Variants in FAF1 observed in about 807,000 individuals in gnomAD.
FAF1 encodes Fas associated factor 1, also known as FAS-associated factor 1.
FAF1 carries 25 observed loss-of-function variants against 92.5 expected under a neutral mutation model. That is an observed-to-expected ratio of 0.27 (90% CI 0.20 to 0.38). The LOEUF (loss-of-function observed/expected upper bound fraction) is 0.38. FAF1 is among the 10% of genes least tolerant of loss of function. The probability of loss-of-function intolerance (pLI) is 1.00; values close to 1 mark genes in which losing one functional copy is unlikely to be tolerated. For synonymous variants in FAF1, 234 were observed against 273.2 expected, an observed-to-expected ratio of 0.86 and a Z score of 1.42; for missense variants, 636 against 793.3, an observed-to-expected ratio of 0.80 and a Z score of 2.38.
chr1:50,925,716 C>T (rs1310514491), intron 1 of FAF1, among the ~76,000 whole-genome samples: 3 of 152,138 alleles, frequency 2.0e-5, no homozygotes, highest in African/African-American at 7.2e-5. Flanking sequence ...AATAGAACTA[C>T]TATATGATAC....
At chr1:50,499,363 G>GTGTT (rs759738462) in intron 15 of FAF1, among the ~76,000 whole-genome samples, 18 of 110,096 alleles carry the variant, frequency 1.6e-4, no homozygotes, top group African/African-American at 5.1e-4. Flanking sequence ...TAGCTGTAGG[G>GTGTT]TTTTTTTTTT....
intron 6 of FAF1, among the ~76,000 whole-genome samples, chr1:50,720,234 G>A (rs1389784564): frequency 2.0e-5 from 3 of 152,072 alleles, no homozygotes; most frequent in Non-Finnish European, 4.4e-5. Context: ...ACTCCTGACA[G>A]GTGATCCGCG....
At chr1:50,505,951 A>T (rs939053212) in intron 15 of FAF1, among the ~76,000 whole-genome samples, 4 of 152,256 alleles carry the variant, frequency 2.6e-5, no homozygotes, top group African/African-American at 7.2e-5. Flanking sequence ...TCTGTTCATT[A>T]CAAAAAAATC....
intron 6 of FAF1, among the ~76,000 whole-genome samples, chr1:50,732,315 T>C (rs1259931656): frequency 6.6e-6 from 1 of 152,140 alleles, no homozygotes; most frequent in East Asian, 1.9e-4. Flanking sequence ...GATCTCGTGA[T>C]CTGCCCACCT....
chr1:50,870,001 A>C (rs1218309989), intron 1 of FAF1, among the ~76,000 whole-genome samples: 1 of 152,224 alleles, frequency 6.6e-6, no homozygotes, highest in Non-Finnish European at 1.5e-5. Context: ...TGGTATCCTT[A>C]TAAAGTGTTT....
chr1:50,777,697 T>C (rs1661014212), intron 4 of FAF1, among the ~76,000 whole-genome samples: 1 of 150,982 alleles, frequency 6.6e-6, no homozygotes, highest in Non-Finnish European at 1.5e-5. Context: ...CAGCCTGTTA[T>C]GAGGGCTAAA....
intron 8 of FAF1, among the ~76,000 whole-genome samples, chr1:50,637,263 C>T (rs1328943418): frequency 1.4e-5 from 2 of 142,888 alleles, no homozygotes; most frequent in Non-Finnish European, 3.0e-5. Flanking sequence ...TGGTAAAACC[C>T]CATTTCTACT....
intron 15 of FAF1, among the ~76,000 whole-genome samples, chr1:50,526,089 G>A (rs559384509): frequency 8.5e-5 from 13 of 152,206 alleles, no homozygotes; most frequent in Admixed American, 3.3e-4. Flanking sequence ...AATTGATATC[G>A]TTTGCGATAT....
intron 4 of FAF1, among the ~76,000 whole-genome samples, chr1:50,782,578 G>T (rs1312875048): frequency 6.6e-6 from 1 of 151,940 alleles, no homozygotes; most frequent in Non-Finnish European, 1.5e-5. Context: ...ACAAGGTCTC[G>T]TTATGTTACC....
At position 50,653,489 on chromosome 1, in the gene FAF1, T is replaced by TA. The variant is rs1654959406; in HGVS notation, c.744+1952dup. Among the ~76,000 whole-genome samples the TA allele has an allele frequency of 2.6e-5, 4 of 152,276 alleles. No individual in the cohort carries two copies. In the South Asian group the frequency reaches 8.3e-4, roughly 32 times the overall value. ...CTTTAGCCCCCCAAGTAGCTGGGAT[T>TA]AAAGTCACAAGCCACCACGCCCGGC... On this transcript the variant is annotated intron_variant, in intron 8 of 18. Coordinates refer to ENST00000396153, the MANE Select transcript of FAF1 (RefSeq NM_007051.3).
chr1:50,633,984 T>A (rs907300524), intron 8 of FAF1, among the ~76,000 whole-genome samples: 1 of 152,202 alleles, frequency 6.6e-6, no homozygotes, highest in African/African-American at 2.4e-5. Flanking sequence ...AGACTTTCAT[T>A]GGCTCTGGGA....
At chr1:50,746,245 AACATATATATATATATAT>A (rs1241305908) in intron 4 of FAF1, among the ~76,000 whole-genome samples, 1 of 71,532 alleles carries the variant, frequency 1.4e-5, no homozygotes, top group Admixed American at 2.0e-4. Context: ...ACCTGAAACG[AACATATATATATATATAT>A]ATATATATAT....
chr1:50,754,076 T>A (rs1178104886), intron 4 of FAF1, among the ~76,000 whole-genome samples: 1 of 152,130 alleles, frequency 6.6e-6, no homozygotes, highest in Non-Finnish European at 1.5e-5. Flanking sequence ...TTCTAACATC[T>A]AGGTTAGACC....
intron 1 of FAF1, among the ~76,000 whole-genome samples, chr1:50,895,844 C>A (rs1049785007): frequency 6.6e-6 from 1 of 151,886 alleles, no homozygotes; most frequent in African/African-American, 2.4e-5. Flanking sequence ...TTCAACATCC[C>A]TTCATGATTT....
intron 1 of FAF1, among the ~76,000 whole-genome samples, chr1:50,958,349 C>T (rs1275377300): frequency 6.6e-6 from 1 of 152,120 alleles, no homozygotes; most frequent in East Asian, 1.9e-4. Context: ...ACCAAAACAG[C>T]AAACTCTGAA....
intron 1 of FAF1, among the ~76,000 whole-genome samples, chr1:50,862,006 A>C (rs2124670611): frequency 6.6e-6 from 1 of 151,984 alleles, no homozygotes; most frequent in South Asian, 2.1e-4. Context: ...ATGATGGACA[A>C]ATAGACTAAG....
At position 50,616,844 on chromosome 1, in the gene FAF1, C is replaced by T. The variant is rs191513252; in HGVS notation, c.745-20628G>A. On this transcript the variant is annotated intron_variant, in intron 8 of 18. Transcript: ENST00000396153. ...TACAAGCATGCGCCACCATGCCCAG[C>T]TAATTTTTGTATTTTTAGTAGAGTC... Among the ~76,000 whole-genome samples, 306 of 152,220 alleles carry T rather than the reference C, an allele frequency of 2.0e-3. 1 individual carries two copies. The highest frequency in any genetic ancestry group is 6.7e-3 in the African/African-American group (277 of 41,520).
chr1:50,743,042 C>T (rs374167406), intron 5 of FAF1, among the ~76,000 whole-genome samples: 99 of 152,288 alleles, frequency 6.5e-4, no homozygotes, highest in East Asian at 1.9e-3. Context: ...ATATTGTCTA[C>T]GGCTGCTTTC....
intron 8 of FAF1, among the ~76,000 whole-genome samples, chr1:50,621,391 CTTTTTTTTTTTTTTTTT>C (rs36053834): frequency 1.1e-5 from 1 of 89,216 alleles, no homozygotes; most frequent in African/African-American, 4.7e-5. Context: ...TTCTTTTTTT[CTTTTTTTTTTTTTTTTT>C]TTTTTTTTTG....
Sources: gnomAD v4.1 joint callset for allele counts (sites outside exome capture counted in the v4.1 genomes callset) on GRCh38, gnomAD v4.1.1 for gene constraint, MANE v1.5 for transcripts, NCBI Gene and HGNC (gene_info 2026-07-23, HGNC 2026-07-21) for gene names.